The following ERMP1 variants were observed in gnomAD, a reference collection of about 807,000 sequenced individuals.
ERMP1 encodes endoplasmic reticulum metallopeptidase 1.
A neutral mutation model predicts 92.0 loss-of-function variants in ERMP1; 86 were observed. The observed-to-expected ratio is 0.93, with a 90% CI of 0.79 to 1.12. The LOEUF is 1.12. ERMP1 is among the 50% of genes most tolerant of loss of function. The pLI is 0.00. For missense variants in ERMP1, 1,342 were observed against 1,116.3 expected (o/e 1.20, Z -2.88); for synonymous variants, 530 against 412.8 (o/e 1.28, Z -3.44).
intron 2 of ERMP1, among the ~76,000 whole-genome samples, chr9:5,825,499 G>A (rs373243288): frequency 1.4e-3 from 220 of 152,308 alleles, no homozygotes; most frequent in African/African-American, 5.1e-3. Context: ...AGTAACCTGA[G>A]GGGACCTAAA....
At chr9:5,850,405 CAAAAAAAAA>C (rs59464514) in intron 6 of ERMP1, among the ~76,000 whole-genome samples, 10 of 40,598 alleles carry the variant, frequency 2.5e-4, no homozygotes, top group African/African-American at 5.5e-4. Context: ...AACTCCGTCT[CAAAAAAAAA>C]AAAAAAAAAA....
chr9:5,821,727 A>G (rs1395111991), intron 4 of ERMP1, among the ~76,000 whole-genome samples: 1 of 152,246 alleles, frequency 6.6e-6, no homozygotes, highest in African/African-American at 2.4e-5. Context: ...GGAGCAGTAT[A>G]GGGGCAAGGT....
At chr9:5,835,350 A>ACGCACG (rs1554627597), upstream of ERMP1, among the ~76,000 whole-genome samples, 7 of 150,468 alleles carry the variant, frequency 4.7e-5, no homozygotes, top group South Asian at 6.4e-4. Flanking sequence ...GAGACAATGA[A>ACGCACG]CGCGCGCGCG....
At chr9:5,843,907 T>TG (rs1382023600) in intron 6 of ERMP1, among the ~76,000 whole-genome samples, 2 of 152,104 alleles carry the variant, frequency 1.3e-5, no homozygotes, top group African/African-American at 4.8e-5. Context: ...TTGTGTGTCC[T>TG]GGGGGGAGGA....
intron 5 of ERMP1, among the ~76,000 whole-genome samples, chr9:5,860,384 C>T (rs1216461461): frequency 6.6e-6 from 1 of 151,974 alleles, no homozygotes; most frequent in Non-Finnish European, 1.5e-5. Flanking sequence ...TGCCAGCAAG[C>T]ACAGTGAGGG....
intron 13 of ERMP1, among the ~76,000 whole-genome samples, chr9:5,795,769 C>T (rs1378280274): frequency 6.6e-6 from 1 of 151,942 alleles, no homozygotes; most frequent in Non-Finnish European, 1.5e-5. Context: ...CAGAGTGAGA[C>T]TGTCTCAAAA....
rs1475333039 is a variant in ERMP1 at position 5,785,404 on chromosome 9, A to G, written c.*1740T>C. ...ACAAAATATAAACCCTGCAAACCTT[A>G]TGTGCTACCTGACAGATAAAAGTAG... On this transcript the variant is annotated 3_prime_UTR_variant, in exon 15 of 15. Transcript: ENST00000339450. The G allele has an allele frequency of 6.6e-6, 1 of 152,190 alleles. No homozygotes were observed. Among genetic ancestry groups the G allele is most frequent in the Non-Finnish European group, 1.5e-5 (1 of 68,032 alleles). The allele number at this position is 152,190 out of a possible 1,614,324, so 9.4% of individuals were successfully genotyped here.
upstream of ERMP1, among the ~76,000 whole-genome samples, chr9:5,835,513 A>G (rs1830083076): frequency 6.6e-6 from 1 of 152,220 alleles, no homozygotes. Context: ...GGTGACCTGA[A>G]TGAAGTGAGG....
chr9:5,849,395 C>T (rs1053228433), intron 6 of ERMP1, among the ~76,000 whole-genome samples: 4 of 152,196 alleles, frequency 2.6e-5, no homozygotes, highest in African/African-American at 9.7e-5. Context: ...CTTCATTTTA[C>T]AGATGAGCAA....
intron 8 of ERMP1, among the ~76,000 whole-genome samples, chr9:5,807,457 C>G (rs1828910354): frequency 6.6e-6 from 1 of 152,138 alleles, no homozygotes; most frequent in Non-Finnish European, 1.5e-5. Context: ...TTCAAAAACC[C>G]CATTCAGGCC....
Position 5,825,156 on chromosome 9 carries a change from G to A in ERMP1, c.704C>T (p.Ser235Phe), listed in dbSNP as rs1829686401. 2 of 1,614,064 alleles carry A rather than the reference G, an allele frequency of 1.2e-6. No homozygotes were observed. Among genetic ancestry groups the A allele is most frequent in the Non-Finnish European group, 1.7e-6 (2 of 1,179,938 alleles). ...MLEVLRVLST[S>F]SEALHHAVIF... ...GACAGCATGATGCAAGGCTTCTGAA[G>A]ATGTTGACAAGACGCGAAGGACTTC... The change falls in exon 3 of 15, where the codon TCT becomes TTT. Residue 235 changes from serine to phenylalanine, a missense_variant. Coordinates refer to ENST00000339450, the MANE Select transcript of ERMP1 (RefSeq NM_024896.3).
chr9:5,790,548 C>G (rs983722850), intron 13 of ERMP1, among the ~76,000 whole-genome samples: 1 of 152,060 alleles, frequency 6.6e-6, no homozygotes, highest in South Asian at 2.1e-4. Context: ...TTCCTGAATA[C>G]AGAGAGATAC....
rs548382716 is a variant in ERMP1, at chr9:5,849,245, T to A, written n.3199+10223A>T. On this transcript the variant is annotated intron_variant and non_coding_transcript_variant, in intron 6 of 6. Coordinates refer to the ERMP1 transcript ENST00000690753. ...ACCATGTTGGCCAGGAGGGTCTCAA[T>A]CTCTTGACCTCGTGATCTGCCCAAC... Among the ~76,000 whole-genome samples the A allele has an allele frequency of 2.0e-5, 3 of 152,196 alleles. No individual in the cohort carries two copies. The East Asian group carries it at 5.8e-4, about 29-fold the overall frequency.
intron 9 of ERMP1, 67 bp downstream of exon 9, chr9:5,805,544 G>A: frequency 7.3e-7 from 1 of 1,375,780 alleles, no homozygotes; most frequent in Non-Finnish European, 9.7e-7. Flanking sequence ...AAAAAAGAAA[G>A]AGTCCCTGAA....
At chr9:5,856,173 A>G (rs150336080) in intron 6 of ERMP1, 10 of 299,716 alleles carry the variant, frequency 3.3e-5, no homozygotes, top group African/African-American at 2.1e-4. Context: ...GGTTTGTCCT[A>G]AAGTCCTCAG....
intron 8 of ERMP1, among the ~76,000 whole-genome samples, chr9:5,808,482 G>A (rs1563756920): frequency 6.6e-6 from 1 of 152,288 alleles, no homozygotes; most frequent in African/African-American, 2.4e-5. Context: ...CTGCTAACAT[G>A]GAAGGTTCCA....
chr9:5,821,557 C>G (rs1829536123), intron 4 of ERMP1, among the ~76,000 whole-genome samples: 1 of 152,132 alleles, frequency 6.6e-6, no homozygotes, highest in East Asian at 1.9e-4. Context: ...CAGTCTGGAC[C>G]TGACTAGCCC....
At chr9:5,861,170 G>GGT (rs35593711) in intron 5 of ERMP1, among the ~76,000 whole-genome samples, 12,440 of 101,332 alleles carry the variant, frequency 0.12, 621 homozygotes, top group South Asian at 0.17. Context: ...TGGCTTAGGG[G>GGT]GTGTGTGTGT....
intron 13 of ERMP1, among the ~76,000 whole-genome samples, chr9:5,792,441 C>G (rs148240875): frequency 6.6e-6 from 1 of 152,222 alleles, no homozygotes; most frequent in Non-Finnish European, 1.5e-5. Flanking sequence ...AGTCATAATG[C>G]CAGGCCAAAT....
Sources: allele counts gnomAD v4.1 joint callset (sites outside exome capture counted in the v4.1 genomes callset), GRCh38; gene constraint gnomAD v4.1.1; transcripts MANE v1.5; gene names NCBI Gene and HGNC (gene_info 2026-07-23, HGNC 2026-07-21).